The following TENM3 variants were observed in gnomAD, a reference collection of about 807,000 sequenced individuals.
The protein encoded by TENM3 is teneurin-3.
TENM3 carries 63 observed loss-of-function variants against 255.1 expected under a neutral mutation model. The ratio of observed to expected loss-of-function variants is 0.25; its 90% CI spans 0.20 to 0.30. The LOEUF (loss-of-function observed/expected upper bound fraction) is 0.30, where lower values mean the gene tolerates loss of function less well. Among genes scored for constraint, TENM3 ranks in the 10% least tolerant of loss-of-function variants. The pLI is 1.00. For synonymous variants in TENM3, 1,306 were observed against 1,322.3 expected, an observed-to-expected ratio of 0.99 and a Z score of 0.27; for missense variants, 2,929 against 3,461.1, an observed-to-expected ratio of 0.85 and a Z score of 3.86.
At chr4:181,898,857 A>T in the TENM3 span, among the ~76,000 whole-genome samples, 1 of 152,166 alleles carries the variant, frequency 6.6e-6, no homozygotes, top group Non-Finnish European at 1.5e-5. Context: ...TGGTGTTTTG[A>T]AGATATTGCA....
intron 3 of TENM3, among the ~76,000 whole-genome samples, chr4:182,437,149 G>A (rs1772110644): frequency 6.6e-6 from 1 of 152,086 alleles, no homozygotes; most frequent in South Asian, 2.1e-4. Flanking sequence ...TACCATATGG[G>A]GTAGAATAAA....
intron 3 of TENM3, among the ~76,000 whole-genome samples, chr4:182,483,167 T>C (rs1734363201): frequency 6.6e-6 from 1 of 152,234 alleles, no homozygotes; most frequent in Admixed American, 6.5e-5. Flanking sequence ...AATTGTTTTC[T>C]TGCTTTATCT....
chr4:181,809,896 C>T, the TENM3 span, among the ~76,000 whole-genome samples: 1 of 152,084 alleles, frequency 6.6e-6, no homozygotes, highest in Non-Finnish European at 1.5e-5. Context: ...AACACACTCT[C>T]CCCGGAGCCC....
At chr4:181,746,682 G>A in the TENM3 span, among the ~76,000 whole-genome samples, 1 of 151,530 alleles carries the variant, frequency 6.6e-6, no homozygotes, top group Admixed American at 6.6e-5. Flanking sequence ...TTTTCCCTAT[G>A]CAGAAATCTA....
chr4:181,563,871 G>C, the TENM3 span, among the ~76,000 whole-genome samples: 1 of 151,950 alleles, frequency 6.6e-6, no homozygotes, highest in African/African-American at 2.4e-5. Flanking sequence ...TAGACCAACA[G>C]GGTCTATTTA....
chr4:181,654,754 CAAA>C, the TENM3 span, among the ~76,000 whole-genome samples: 3 of 93,018 alleles, frequency 3.2e-5, no homozygotes, highest in Non-Finnish European at 6.0e-5. Flanking sequence ...AACTCCATCT[CAAA>C]AAAAAAAAAA....
the TENM3 span, among the ~76,000 whole-genome samples, chr4:181,870,669 T>C: frequency 6.6e-6 from 1 of 152,278 alleles, no homozygotes; most frequent in South Asian, 2.1e-4. Flanking sequence ...TTTGGGTATT[T>C]GCTTTTTGGA....
chr4:181,691,650 C>T, the TENM3 span, among the ~76,000 whole-genome samples: 1 of 152,002 alleles, frequency 6.6e-6, no homozygotes, highest in Admixed American at 6.6e-5. Flanking sequence ...GTAAGAAAAA[C>T]AAAAGTTGCG....
rs1561221454 is a variant in TENM3 at position 182,230,811 on chromosome 4, A to AATATAT, written c.-76+86057_-76+86058insATATAT. Among the ~76,000 whole-genome samples the AATATAT allele has an allele frequency of 1.5e-4, 9 of 59,250 alleles. No homozygotes were observed. In the South Asian group the frequency reaches 2.8e-3, roughly 18 times the overall value. 38.9% of individuals were successfully genotyped at this position (59,250 alleles called of 152,430 possible). On this transcript the variant is annotated intron_variant, in intron 1 of 2. Coordinates refer to the TENM3 transcript ENST00000512480. ...AGCTATATTAAATACAGTTTCTCAA[A>AATATAT]CTATATATATATATATATATATATA...
intron 1 of TENM3, among the ~76,000 whole-genome samples, chr4:182,243,961 T>TA (rs1201447524): frequency 3.5e-5 from 5 of 141,210 alleles, no homozygotes; most frequent in African/African-American, 1.3e-4. Context: ...TTTTTTTTTT[T>TA]TTTTTTTTTT....
At chr4:182,707,261 T>G (rs1279342311) in intron 12 of TENM3, among the ~76,000 whole-genome samples, 4 of 152,022 alleles carry the variant, frequency 2.6e-5, no homozygotes, top group Non-Finnish European at 5.9e-5. Context: ...ACAGAAGAGA[T>G]GGAGGGGCGC....
chr4:182,486,797 T>C (rs566358418), intron 3 of TENM3, among the ~76,000 whole-genome samples: 9 of 152,278 alleles, frequency 5.9e-5, no homozygotes, highest in Non-Finnish European at 1.2e-4. Context: ...AAGCTTAATA[T>C]AGATAACCCT....
intron 3 of TENM3, among the ~76,000 whole-genome samples, chr4:182,522,186 G>C (rs139404804): frequency 0.01 from 1,524 of 152,186 alleles, 26 homozygotes; most frequent in African/African-American, 0.035. Context: ...TTTGTGTTGG[G>C]AACATTATAA....
chr4:181,807,923 A>G, the TENM3 span, among the ~76,000 whole-genome samples: 1 of 152,218 alleles, frequency 6.6e-6, no homozygotes, highest in Non-Finnish European at 1.5e-5. Flanking sequence ...AAGTGACTCC[A>G]TGAGACAAGG....
chr4:182,553,211 C>G (rs1395316616), intron 3 of TENM3, among the ~76,000 whole-genome samples: 1 of 152,146 alleles, frequency 6.6e-6, no homozygotes, highest in Non-Finnish European at 1.5e-5. Context: ...CCTCTTGCCT[C>G]AGCCTGCAGA....
intron 5 of TENM3, among the ~76,000 whole-genome samples, chr4:182,634,216 G>A (rs73008967): frequency 6.6e-6 from 1 of 152,104 alleles, no homozygotes; most frequent in Non-Finnish European, 1.5e-5. Context: ...CTAGTAAGTT[G>A]TAGAAACCAA....
chr4:182,619,262 C>T (rs1561011830), intron 4 of TENM3, among the ~76,000 whole-genome samples: 1 of 151,456 alleles, frequency 6.6e-6, no homozygotes, highest in Non-Finnish European at 1.5e-5. Flanking sequence ...CCTGTCTCTA[C>T]TAAAAATAAT....
At chr4:181,475,425 G>A in the TENM3 span, among the ~76,000 whole-genome samples, 1 of 152,116 alleles carries the variant, frequency 6.6e-6, no homozygotes, top group Non-Finnish European at 1.5e-5. Context: ...TCCTAAACCT[G>A]TCCTTTTGCT....
the TENM3 span, among the ~76,000 whole-genome samples, chr4:181,675,700 T>C: frequency 6.6e-6 from 1 of 152,126 alleles, no homozygotes; most frequent in African/African-American, 2.4e-5. Flanking sequence ...GATTTTCATA[T>C]ACTGCATGAA....
Sources: gnomAD v4.1 joint callset for allele counts (sites outside exome capture counted in the v4.1 genomes callset) on GRCh38, gnomAD v4.1.1 for gene constraint, MANE v1.5 for transcripts, NCBI Gene and HGNC (gene_info 2026-07-23, HGNC 2026-07-21) for gene names.